STEAP3: variants seen among roughly 807,000 people sequenced by gnomAD.
The protein encoded by STEAP3 is STEAP3 metalloreductase.
A neutral mutation model predicts 34.9 loss-of-function variants in STEAP3; 35 were observed. The observed-to-expected ratio is 1.00, with a 90% CI of 0.76 to 1.33. The LOEUF is 1.33. Ranked by LOEUF, STEAP3 falls within the 40% of genes most tolerant of loss-of-function variation. STEAP3 has a pLI of 0.00. For missense variants in STEAP3, 652 were observed against 667.6 expected, an observed-to-expected ratio of 0.98 and a Z score of 0.26; for synonymous variants, 281 against 301.6, an observed-to-expected ratio of 0.93 and a Z score of 0.71.
intron 1 of STEAP3, among the ~76,000 whole-genome samples, chr2:119,226,657 C>T (rs752833582): frequency 2.6e-5 from 4 of 152,124 alleles, no homozygotes; most frequent in Non-Finnish European, 5.9e-5. Flanking sequence ...TCTCCTGCAG[C>T]TGGGTCCACC....
chr2:119,262,365 T>C (rs1221534811), intron 5 of STEAP3, among the ~76,000 whole-genome samples: 1 of 152,020 alleles, frequency 6.6e-6, no homozygotes, highest in Non-Finnish European at 1.5e-5. Context: ...CATATACATG[T>C]ATATGTATAT....
chr2:119,252,109 G>A (rs183717117), intron 4 of STEAP3, among the ~76,000 whole-genome samples: 1 of 152,294 alleles, frequency 6.6e-6, no homozygotes, highest in Admixed American at 6.5e-5. Context: ...AGGAGTGCAC[G>A]TAGAGCTTGG....
At chr2:119,257,726 A>G (rs1169365353) in intron 5 of STEAP3, 15 of 1,389,584 alleles carry the variant, frequency 1.1e-5, no homozygotes, top group African/African-American at 1.5e-5. Context: ...TAGCGTGGCT[A>G]GTGAGAAGTT....
intron 1 of STEAP3, among the ~76,000 whole-genome samples, chr2:119,227,798 T>G (rs10182677): frequency 0.011 from 1,495 of 137,906 alleles, 23 homozygotes; most frequent in African/African-American, 0.037. Context: ...GGGAACAAGC[T>G]TCCCATTTCT....
chr2:119,241,602 G>A (rs1677247587), intron 2 of STEAP3, among the ~76,000 whole-genome samples: 1 of 152,184 alleles, frequency 6.6e-6, no homozygotes, highest in East Asian at 1.9e-4. Context: ...CTGAGCTGGT[G>A]CAGCAGCTCC....
At chr2:119,257,477 AG>A in intron 5 of STEAP3, 1 of 1,536,822 alleles carries the variant, frequency 6.5e-7, no homozygotes, top group Non-Finnish European at 8.8e-7. Context: ...CTTCCAGTGC[AG>A]GAAACACAGG....
At chr2:119,255,328 C>T (rs1330822010) in intron 5 of STEAP3, among the ~76,000 whole-genome samples, 2 of 151,964 alleles carry the variant, frequency 1.3e-5, no homozygotes, top group Admixed American at 6.5e-5. Context: ...ATTCATGCAG[C>T]GTGGATGAGA....
At chr2:119,262,937 T>C in intron 5 of STEAP3, 120 bp from the exon 6 acceptor site, 5 of 1,358,640 alleles carry the variant, frequency 3.7e-6, no homozygotes, top group South Asian at 1.3e-5. Flanking sequence ...TTCCAACCCA[T>C]AGCGGTGAGT....
At chr2:119,251,443 G>T (rs1019758689) in intron 4 of STEAP3, among the ~76,000 whole-genome samples, 1 of 152,126 alleles carries the variant, frequency 6.6e-6, no homozygotes, top group Non-Finnish European at 1.5e-5. Flanking sequence ...AGGGCATTTG[G>T]ATTTGCTTGT....
At chr2:119,243,123 C>T (rs1677300112) in intron 2 of STEAP3, among the ~76,000 whole-genome samples, 1 of 152,236 alleles carries the variant, frequency 6.6e-6, no homozygotes, top group Non-Finnish European at 1.5e-5. Flanking sequence ...ACAAAAGCAA[C>T]CCCTCAGAGT....
chr2:119,257,093 G>A (rs1415169731), intron 5 of STEAP3, among the ~76,000 whole-genome samples: 1 of 152,124 alleles, frequency 6.6e-6, no homozygotes, highest in Non-Finnish European at 1.5e-5. Flanking sequence ...TTGCAAACTG[G>A]CGGACACTCA....
chr2:119,229,020 G>A (rs1373330074), intron 1 of STEAP3, among the ~76,000 whole-genome samples: 1 of 152,144 alleles, frequency 6.6e-6, no homozygotes, highest in African/African-American at 2.4e-5. Context: ...CAGCAGCTTT[G>A]ACAGGAAAAT....
rs914779359 is a variant in STEAP3, at chr2:119,263,817, G to A, written c.*479G>A. The A allele has an allele frequency of 7.4e-6, 2 of 271,348 alleles. No individual in the cohort carries two copies. Among genetic ancestry groups the A allele is most frequent in the Non-Finnish European group, 1.4e-5 (2 of 140,726 alleles). The allele number at this position is 271,348 out of a possible 1,614,324, so 16.8% of individuals were successfully genotyped here. A position where few individuals can be genotyped will look rare whatever the true frequency, so the allele number is the denominator to read the frequency against. On this transcript the variant is annotated 3_prime_UTR_variant, in exon 6 of 6. Transcript: ENST00000393110. ...GGCTCTGAAGGGGAGGGAAGGCAAC[G>A]GCTCTGCCCAGAGCCATCCCTGGAG... is the stretch of plus-strand genomic sequence containing the variant.
At chr2:119,229,484 G>A (rs532990759) in intron 1 of STEAP3, among the ~76,000 whole-genome samples, 5 of 152,310 alleles carry the variant, frequency 3.3e-5, no homozygotes, top group African/African-American at 1.2e-4. Flanking sequence ...CACAAGAACA[G>A]TCCTAAGGAA....
rs1253770030 is a variant in STEAP3 at position 119,247,819 on chromosome 2, C to G, written c.663C>G (p.Ala221=). 1 of 1,612,814 alleles carries G rather than the reference C, an allele frequency of 6.2e-7. No homozygotes were observed. The highest frequency in any genetic ancestry group is 1.1e-5 in the South Asian group (1 of 91,086). ...VEAMPLRLLP[A]WKVPTLLALG... ...CCATGCCCCTGCGCCTCCTCCCGGC[C>G]TGGAAGGTGCCCACCCTGCTGGCCC... Residue 221 remains alanine (A), a synonymous_variant, in exon 4 of 6, where the codon GCC becomes GCG. Transcript: ENST00000393110.
chr2:119,254,515 T>C (rs1374244386), intron 4 of STEAP3, among the ~76,000 whole-genome samples, 169 bp from the exon 5 acceptor site: 1 of 152,104 alleles, frequency 6.6e-6, no homozygotes, highest in African/African-American at 2.4e-5. Context: ...GTGGGGTGGT[T>C]TTGAGGATTC....
At chr2:119,244,880 A>T (rs1677361340) in intron 2 of STEAP3, 1 of 152,762 alleles carries the variant, frequency 6.5e-6, no homozygotes, top group Non-Finnish European at 1.5e-5. Context: ...GTGTTCATTC[A>T]TTCATTCATT....
chr2:119,226,877 T>C (rs1679057257), intron 1 of STEAP3, among the ~76,000 whole-genome samples: 1 of 152,164 alleles, frequency 6.6e-6, no homozygotes, highest in African/African-American at 2.4e-5. Context: ...GATAATGTTA[T>C]TCTCCCAACC....
chr2:119,244,789 AAAG>A (rs1677357447), intron 2 of STEAP3: 1 of 152,204 alleles, frequency 6.6e-6, no homozygotes, highest in Admixed American at 6.5e-5. Context: ...TGGGCTCAGC[AAAG>A]AAGATCACAG....
Sources: allele counts gnomAD v4.1 joint callset (sites outside exome capture counted in the v4.1 genomes callset), GRCh38; gene constraint gnomAD v4.1.1; transcripts MANE v1.5; gene names NCBI Gene and HGNC (gene_info 2026-07-23, HGNC 2026-07-21).